The following ARFGEF2 variants were observed in gnomAD, a reference collection of about 807,000 sequenced individuals.
ARFGEF2 encodes the protein ARF guanine nucleotide exchange factor 2.
ARFGEF2 carries 74 observed loss-of-function variants against 219.9 expected under a neutral mutation model. The observed-to-expected ratio is 0.34, with a 90% CI of 0.28 to 0.41. The LOEUF is 0.41. Among genes scored for constraint, ARFGEF2 ranks in the 10% least tolerant of loss-of-function variants. ARFGEF2 has a pLI of 1.00. For missense variants in ARFGEF2, 1,743 were observed against 2,218.3 expected (o/e 0.79, Z 4.30); for synonymous variants, 733 against 799.2 (o/e 0.92, Z 1.40).
rs1206519771 is a variant in ARFGEF2, at chr20:49,035,827, A to G, written c.*2628A>G. On this transcript the variant is annotated 3_prime_UTR_variant, in exon 39 of 39. Coordinates refer to ENST00000371917, the MANE Select transcript of ARFGEF2 (RefSeq NM_006420.3). Reference sequence around the variant, plus strand: ...AATCACCAGCTTTGGCATCTTAACAACAAACAGTGGATGGGTAATTTTTAT... The same window carrying G: ...AATCACCAGCTTTGGCATCTTAACAGCAAACAGTGGATGGGTAATTTTTAT... The G allele has an allele frequency of 4.8e-6, 1 of 209,774 alleles. No homozygotes were observed. Among genetic ancestry groups the G allele is most frequent in the Admixed American group, 5.8e-5 (1 of 17,132 alleles). 13.0% of individuals were successfully genotyped at this position (209,774 alleles called of 1,614,324 possible).
intron 26 of ARFGEF2, among the ~76,000 whole-genome samples, chr20:49,008,882 AT>A (rs1428936729): frequency 1.3e-5 from 2 of 151,902 alleles, no homozygotes; most frequent in Non-Finnish European, 2.9e-5. Context: ...TAATTTTTGT[AT>A]TTTTAGTAGA....
chr20:48,945,606 G>C (rs2091020847), intron 3 of ARFGEF2, among the ~76,000 whole-genome samples: 1 of 152,182 alleles, frequency 6.6e-6, no homozygotes, highest in Non-Finnish European at 1.5e-5. Context: ...GCTCACGCCT[G>C]TAATCCCAGC....
chr20:49,023,288 C>T (rs2091577899), intron 35 of ARFGEF2, 107 bp downstream of exon 35: 10 of 1,453,284 alleles, frequency 6.9e-6, no homozygotes, highest in Non-Finnish European at 9.4e-6. Flanking sequence ...GCCTGTCATG[C>T]TCATCTCTTT....
At chr20:48,981,330 G>A (rs2091294422) in intron 14 of ARFGEF2, among the ~76,000 whole-genome samples, 1 of 152,214 alleles carries the variant, frequency 6.6e-6, no homozygotes, top group Non-Finnish European at 1.5e-5. Context: ...CTGGCTTGTA[G>A]AGTTTCTGCT....
At chr20:49,006,440 T>TA (rs2091459767) in intron 26 of ARFGEF2, among the ~76,000 whole-genome samples, 1 of 152,188 alleles carries the variant, frequency 6.6e-6, no homozygotes, top group Non-Finnish European at 1.5e-5. Flanking sequence ...TAATAAAATT[T>TA]AAAAACAAAT....
intron 1 of ARFGEF2, among the ~76,000 whole-genome samples, chr20:48,927,291 T>C (rs1054362339): frequency 6.6e-6 from 1 of 152,226 alleles, no homozygotes; most frequent in Non-Finnish European, 1.5e-5. Flanking sequence ...AAATTGCTTT[T>C]TCTTCCATAT....
At chr20:48,972,598 C>T (rs2091235359) in intron 11 of ARFGEF2, among the ~76,000 whole-genome samples, 173 bp downstream of exon 11, 1 of 152,152 alleles carries the variant, frequency 6.6e-6, no homozygotes, top group South Asian at 2.1e-4. Context: ...CCAACTTAGG[C>T]TGGTTTGCCA....
chr20:48,984,671 T>G, intron 14 of ARFGEF2, 58 bp from the exon 15 acceptor site: 2 of 1,602,154 alleles, frequency 1.2e-6, no homozygotes, highest in Non-Finnish European at 1.7e-6. Flanking sequence ...AATACCAGCT[T>G]TTGCTATCCT....
intron 2 of ARFGEF2, 116 bp downstream of exon 2, chr20:48,941,345 C>T (rs2090992077): frequency 1.7e-5 from 19 of 1,103,616 alleles, no homozygotes; most frequent in Non-Finnish European, 2.4e-5. Flanking sequence ...GGGTGGCACA[C>T]ACTCTGCAAG....
Position 48,982,694 on chromosome 20 carries a change from C to T in ARFGEF2, c.1959-2035C>T, listed in dbSNP as rs180910615. Among the ~76,000 whole-genome samples, 100 of 152,332 alleles carry T rather than the reference C, an allele frequency of 6.6e-4. 1 individual carries two copies. The highest frequency in any genetic ancestry group is 1.2e-3 in the Non-Finnish European group (85 of 68,030). Reference sequence around the variant, plus strand: ...GCACTTTGTTTACCTACTCAAGCCTCAGCAATGGCAGACACCCCTCCCCCT... The same window carrying T: ...GCACTTTGTTTACCTACTCAAGCCTTAGCAATGGCAGACACCCCTCCCCCT... On this transcript the variant is annotated intron_variant, in intron 14 of 38. Transcript: ENST00000371917.
At chr20:48,952,371 G>C (rs531242795) in intron 4 of ARFGEF2, among the ~76,000 whole-genome samples, 1 of 152,096 alleles carries the variant, frequency 6.6e-6, no homozygotes, top group African/African-American at 2.4e-5. Flanking sequence ...GGCCAGGCTG[G>C]TCTTGAACTC....
intron 26 of ARFGEF2, among the ~76,000 whole-genome samples, chr20:49,007,470 G>T (rs1039673493): frequency 6.6e-6 from 1 of 151,832 alleles, no homozygotes; most frequent in African/African-American, 2.4e-5. Context: ...TGTATTTTTG[G>T]TAGAGATGGG....
intron 1 of ARFGEF2, among the ~76,000 whole-genome samples, chr20:48,926,165 T>C (rs2090875704): frequency 6.6e-6 from 1 of 152,190 alleles, no homozygotes; most frequent in South Asian, 2.1e-4. Flanking sequence ...TCCAAGATCT[T>C]AACTATTACT....
rs1316727579 is a variant in ARFGEF2, at chr20:49,004,983, G to A, written c.3433-87G>A. ...TTTTCCCTGAATGTTTGTTTTGAAG[G>A]TAGGCTGTCCATCTTTGCTGTTGAG... is the stretch of plus-strand genomic sequence containing the variant. On this transcript the variant is annotated intron_variant, in intron 25 of 38. Transcript: ENST00000371917. 6 of 1,431,452 alleles carry A rather than the reference G, an allele frequency of 4.2e-6. No individual in the cohort carries two copies. The African/African-American group carries it at 7.0e-5, about 17-fold the overall frequency. 88.7% of individuals were successfully genotyped at this position (1,431,452 alleles called of 1,614,324 possible). A position where few individuals can be genotyped will look rare whatever the true frequency, so the allele number is the denominator to read the frequency against.
At chr20:48,932,885 G>T (rs1181941530) in intron 1 of ARFGEF2, among the ~76,000 whole-genome samples, 3 of 152,208 alleles carry the variant, frequency 2.0e-5, no homozygotes, top group African/African-American at 4.8e-5. Flanking sequence ...GTTGGTTTCT[G>T]TGGGGGAAGC....
chr20:49,032,191 A>G lies in ARFGEF2; in HGVS notation c.5181+25A>G, dbSNP rs200204348. The G allele has an allele frequency of 2.0e-4, 299 of 1,531,258 alleles. 1 individual carries two copies. The East Asian group carries it at 5.6e-3, about 29-fold the overall frequency. The allele number at this position is 1,531,258 out of a possible 1,614,324, so 94.9% of individuals were successfully genotyped here. ...GGTATGAACAAGTAAACTCTGACCA[A>G]TTTTCACTAGGACATAAAGTTTGGG... On this transcript the variant is annotated intron_variant, in intron 38 of 38. Transcript: ENST00000371917.
chr20:48,932,899 C>T (rs1011591356), intron 1 of ARFGEF2, among the ~76,000 whole-genome samples: 2 of 152,076 alleles, frequency 1.3e-5, no homozygotes, highest in Admixed American at 6.6e-5. Flanking sequence ...GGGAAGCCTG[C>T]GACAGATAGA....
intron 1 of ARFGEF2, among the ~76,000 whole-genome samples, chr20:48,937,895 C>A (rs1042675627): frequency 6.6e-6 from 1 of 152,190 alleles, no homozygotes; most frequent in East Asian, 1.9e-4. Flanking sequence ...CTAGCCTTCC[C>A]AGCTGGATGG....
At chr20:48,964,526 C>A (rs570798007) in intron 7 of ARFGEF2, among the ~76,000 whole-genome samples, 69 of 152,252 alleles carry the variant, frequency 4.5e-4, no homozygotes, top group African/African-American at 1.5e-3. Context: ...TGGGCTGGAG[C>A]CCTGAGATCC....
Sources: allele counts gnomAD v4.1 joint callset (sites outside exome capture counted in the v4.1 genomes callset), GRCh38; gene constraint gnomAD v4.1.1; transcripts MANE v1.5; gene names NCBI Gene and HGNC (gene_info 2026-07-23, HGNC 2026-07-21).